The following CDH23 variants were observed in gnomAD, a reference collection of about 807,000 sequenced individuals.
CDH23 encodes the protein cadherin-23.
In CDH23, 189 loss-of-function variants were observed where a neutral mutation model predicts 317.1. The observed-to-expected ratio is 0.60, with a 90% CI of 0.53 to 0.67. The LOEUF (loss-of-function observed/expected upper bound fraction) is 0.67, where lower values mean the gene tolerates loss of function less well. Among genes scored for constraint, CDH23 ranks in the 30% least tolerant of loss-of-function variants. CDH23 has a pLI of 0.00. For missense variants in CDH23, 4,401 were observed against 4,592.4 expected (o/e 0.96, Z 1.20); for synonymous variants, 1,839 against 1,876.8 (o/e 0.98, Z 0.52).
rs549848196 is a variant in CDH23 at position 71,484,510 on chromosome 10, C to T, written c.146-25572C>T. Among the ~76,000 whole-genome samples, 11 of 152,274 alleles carry T rather than the reference C, an allele frequency of 7.2e-5. 1 individual carries two copies. In the South Asian group the frequency reaches 1.7e-3, roughly 23 times the overall value. On this transcript the variant is annotated intron_variant, in intron 3 of 69. Transcript: ENST00000224721. ...GGGGAGGCTGGCACTCCCTGGGCCC[C>T]GGCGTTTGTGTGGCACTCAGGGAAT...
chr10:71,708,384 C>T (rs906693370), intron 26 of CDH23, among the ~76,000 whole-genome samples: 5 of 152,162 alleles, frequency 3.3e-5, no homozygotes, highest in African/African-American at 7.2e-5. Flanking sequence ...GGTGCCGTGG[C>T]GCCCTCTGCT....
At chr10:71,445,886 A>G (rs1327455657) in intron 2 of CDH23, among the ~76,000 whole-genome samples, 1 of 152,010 alleles carries the variant, frequency 6.6e-6, no homozygotes, top group African/African-American at 2.4e-5. Context: ...AATTAAAAAG[A>G]AACAGGTGAC....
In CDH23 at chr10:71,425,219, CAGAGAGAGAGAGGGAG is replaced by C. The variant is rs1440425221; in HGVS notation, c.-5-14595_-5-14580del. Among the ~76,000 whole-genome samples, 430 of 55,166 alleles carry C rather than the reference CAGAGAGAGAGAGGGAG, an allele frequency of 7.8e-3. 8 individuals are homozygous for C. The highest frequency in any genetic ancestry group is 0.021 in the African/African-American group (359 of 17,126). 36.2% of individuals were successfully genotyped at this position (55,166 alleles called of 152,430 possible). A position where few individuals can be genotyped will look rare whatever the true frequency, so the allele number is the denominator to read the frequency against. ...CGGCTTGGCTAAAATCACAGTGGGG[CAGAGAGAGAGAGGGAG>C]AGAGAGAGAGAGAGAGAGAGAGAGA... On this transcript the variant is annotated intron_variant, in intron 1 of 69. Transcript: ENST00000224721.
intron 11 of CDH23, among the ~76,000 whole-genome samples, chr10:71,626,271 C>T (rs953587076): frequency 1.3e-5 from 2 of 152,164 alleles, no homozygotes; most frequent in Non-Finnish European, 2.9e-5. Context: ...ATGAACACCC[C>T]ACCCTTAGTC....
chr10:71,605,683 G>A (rs570341287), intron 9 of CDH23, among the ~76,000 whole-genome samples: 17 of 152,150 alleles, frequency 1.1e-4, no homozygotes, highest in Non-Finnish European at 1.8e-4. Flanking sequence ...AAACACATCT[G>A]TTTTTTCAAG....
At chr10:71,543,493 G>A (rs1005202064) in intron 6 of CDH23, among the ~76,000 whole-genome samples, 6 of 152,152 alleles carry the variant, frequency 3.9e-5, no homozygotes, top group African/African-American at 7.2e-5. Flanking sequence ...TGTCCATGCC[G>A]GGTGAATACA....
chr10:71,553,367 G>A (rs562378040), intron 6 of CDH23, among the ~76,000 whole-genome samples: 9 of 152,128 alleles, frequency 5.9e-5, no homozygotes, highest in Admixed American at 2.0e-4. Context: ...ACCTTCCCCA[G>A]CTCTGTCTGC....
chr10:71,641,031 T>G (rs571138377), intron 11 of CDH23, among the ~76,000 whole-genome samples: 37 of 152,176 alleles, frequency 2.4e-4, no homozygotes, highest in African/African-American at 8.4e-4. Flanking sequence ...TGGTCTAGGG[T>G]GCAGCATAGG....
Position 71,623,257 on chromosome 10 carries a change from G to A in CDH23, c.1134+5864G>A, listed in dbSNP as rs541894164. On this transcript the variant is annotated intron_variant, in intron 11 of 69. Transcript: ENST00000224721. ...GGTGCTGTTGGAGCTGAGGTTAAGT[G>A]GCATGGAAGGTGCAGCCATGCAGAG... 5.7e-4 allele frequency among the ~76,000 whole-genome samples: 87 copies of A among 152,328 alleles called. 1 individual carries two copies. Among genetic ancestry groups the A allele is most frequent in the African/African-American group, 2.0e-3 (85 of 41,572 alleles).
intron 3 of CDH23, among the ~76,000 whole-genome samples, chr10:71,508,821 CTT>C (rs1853791500): frequency 6.6e-6 from 1 of 152,178 alleles, no homozygotes; most frequent in Admixed American, 6.5e-5. Flanking sequence ...GCGCTGTACA[CTT>C]ATCACATTTT....
chr10:71,798,612 G>T (rs751486917), intron 50 of CDH23, 34 bp downstream of exon 50: 2 of 1,513,864 alleles, frequency 1.3e-6, no homozygotes, highest in Non-Finnish European at 1.8e-6. Context: ...AGGGCTGGGG[G>T]ACATATATCT....
At chr10:71,585,971 C>T (rs909309122) in intron 9 of CDH23, among the ~76,000 whole-genome samples, 4 of 152,228 alleles carry the variant, frequency 2.6e-5, no homozygotes, top group African/African-American at 9.6e-5. Context: ...GTCTCGTCTT[C>T]CCCATACCCT....
At chr10:71,781,351 C>T (rs1451365092) in intron 41 of CDH23, among the ~76,000 whole-genome samples, 1 of 152,232 alleles carries the variant, frequency 6.6e-6, no homozygotes, top group African/African-American at 2.4e-5. Flanking sequence ...TGGCCAAGCA[C>T]TAGGCCTTCC....
Position 71,646,523 on chromosome 10 carries a change from A to G in CDH23, c.1355A>G (p.Asn452Ser), listed in dbSNP as rs375646885. The part of the protein sequence containing the change: ...GYAKVKITLI[N>S]ENDNRPIFSQ... ...GCCAAGGTGAAGATCACTCTCATCA[A>G]TGAAAATGACAACCGGCCCATCTTC... The change falls in exon 14 of 70, where the codon AAT becomes AGT. Residue 452 changes from asparagine to serine, a missense_variant. Coordinates refer to ENST00000224721, the MANE Select transcript of CDH23 (RefSeq NM_022124.6). 9.3e-6 allele frequency: 15 copies of G among 1,613,824 alleles called. No homozygotes were observed. The highest frequency in any genetic ancestry group is 2.2e-5 in the East Asian group (1 of 44,884).
At chr10:71,773,409 T>G in intron 38 of CDH23, 1 of 1,608,706 alleles carries the variant, frequency 6.2e-7, no homozygotes, top group Non-Finnish European at 8.5e-7. Flanking sequence ...CAGCGCCAGC[T>G]GCCGGCCTCC....
intron 6 of CDH23, among the ~76,000 whole-genome samples, chr10:71,534,236 G>A (rs770856627): frequency 6.6e-5 from 10 of 152,014 alleles, no homozygotes; most frequent in Non-Finnish European, 1.0e-4. Flanking sequence ...CCATCATCTC[G>A]GGCTGAATCT....
intron 44 of CDH23, among the ~76,000 whole-genome samples, chr10:71,786,768 G>T (rs546070813): frequency 6.6e-6 from 1 of 152,264 alleles, no homozygotes; most frequent in South Asian, 2.1e-4. Flanking sequence ...AAAGTGCTGG[G>T]ATTACAGGTG....
intron 1 of CDH23, among the ~76,000 whole-genome samples, chr10:71,427,195 G>GAGAAAGAAAGAA (rs373672706): frequency 0.13 from 13,040 of 98,654 alleles, 1,291 homozygotes; most frequent in Non-Finnish European, 0.16. Context: ...AGGAAGGAAA[G>GAGAAAGAAAGAA]AGAAAGAAAG....
rs756165682 is a variant in CDH23, at chr10:71,712,692, C to G, written c.3248C>G (p.Thr1083Arg). The G allele has an allele frequency of 1.9e-6, 3 of 1,613,670 alleles. No individual in the cohort carries two copies. The highest frequency in any genetic ancestry group is 2.5e-6 in the Non-Finnish European group (3 of 1,179,882). ...AACGGCCCTGTAGGGAAGCGACACA[C>G]GGGCACAGCCACCGTGTTCGTCACT... ...IDNGPVGKRH[T>R]GTATVFVTVL... is the part of the protein sequence containing the mutation. Residue 1083 changes from threonine (T) to arginine (R), a missense_variant, in exon 28 of 70, where the codon ACG becomes AGG. Physicochemically the swap from Thr to Arg is moderately conservative, Grantham distance 71. Transcript: ENST00000224721.
Sources: gnomAD v4.1 joint callset for allele counts (sites outside exome capture counted in the v4.1 genomes callset) on GRCh38, gnomAD v4.1.1 for gene constraint, MANE v1.5 for transcripts, NCBI Gene and HGNC (gene_info 2026-07-23, HGNC 2026-07-21) for gene names.